CTNNA1: variants seen among roughly 807,000 people sequenced by gnomAD.
CTNNA1 encodes the protein catenin alpha 1, also known as catenin alpha-1.
Under a neutral mutation model 98.4 loss-of-function variants are expected in CTNNA1, and 37 were observed. The ratio of observed to expected loss-of-function variants is 0.38; its 90% CI spans 0.29 to 0.49. The LOEUF is 0.49. Among genes scored for constraint, CTNNA1 ranks in the 20% least tolerant of loss-of-function variants. The probability of loss-of-function intolerance (pLI) is 0.95; values close to 1 mark genes in which losing one functional copy is unlikely to be tolerated. For synonymous variants in CTNNA1, 404 were observed against 413.2 expected (o/e 0.98, Z 0.27); for missense variants, 761 against 1,147.2 (o/e 0.66, Z 4.86).
chr5:138,866,271 CTCAT>C (rs748067774), intron 7 of CTNNA1, among the ~76,000 whole-genome samples: 1 of 126,212 alleles, frequency 7.9e-6, no homozygotes, highest in Admixed American at 8.4e-5. Context: ...TCTGTTGTAA[CTCAT>C]TTATTTATTT....
chr5:138,926,723 A>AG (rs1226072669), intron 13 of CTNNA1, among the ~76,000 whole-genome samples: 2 of 150,748 alleles, frequency 1.3e-5, no homozygotes, highest in East Asian at 1.9e-4. Context: ...TCCCATTTTT[A>AG]GGGGGAAAAA....
rs1763589260 is a variant in CTNNA1, at chr5:138,924,494, T to G, written c.1547-16T>G. ...GAAAGCCTCCTTCCTCATTCAACTT[T>G]TTGCTTGTTCTCCAGAGAATCACAT... On this transcript the variant is annotated splice_polypyrimidine_tract_variant and intron_variant, in intron 11 of 17. Coordinates refer to ENST00000302763, the MANE Select transcript of CTNNA1 (RefSeq NM_001903.5). 2.5e-6 allele frequency: 4 copies of G among 1,613,778 alleles called. No homozygotes were observed. The highest frequency in any genetic ancestry group is 2.5e-6 in the Non-Finnish European group (3 of 1,179,856).
chr5:138,832,926 T>A (rs946564551), intron 7 of CTNNA1, among the ~76,000 whole-genome samples: 3 of 152,230 alleles, frequency 2.0e-5, no homozygotes, highest in African/African-American at 4.8e-5. Context: ...GGCTCTATGC[T>A]TTATACAGCT....
At chr5:138,792,967 T>A (rs1392177862) in intron 3 of CTNNA1, among the ~76,000 whole-genome samples, 1 of 152,184 alleles carries the variant, frequency 6.6e-6, no homozygotes, top group Non-Finnish European at 1.5e-5. Flanking sequence ...TGTCTTAGAA[T>A]TTTCATCCTG....
chr5:138,933,514 T>C (rs1765873550), intron 17 of CTNNA1, among the ~76,000 whole-genome samples: 1 of 152,352 alleles, frequency 6.6e-6, no homozygotes, highest in East Asian at 1.9e-4. Flanking sequence ...TTACAGTGAC[T>C]TCCAGTTGGT....
At chr5:138,817,533 G>T (rs1759557778) in intron 5 of CTNNA1, among the ~76,000 whole-genome samples, 1 of 152,010 alleles carries the variant, frequency 6.6e-6, no homozygotes, top group Non-Finnish European at 1.5e-5. Flanking sequence ...TCTCCTTCTG[G>T]AATTCCCATG....
chr5:138,766,192 A>G (rs1383955157), intron 1 of CTNNA1, among the ~76,000 whole-genome samples: 2 of 152,144 alleles, frequency 1.3e-5, no homozygotes, highest in African/African-American at 2.4e-5. Flanking sequence ...GGAACATGGT[A>G]TGTTGTGTCT....
intron 7 of CTNNA1, among the ~76,000 whole-genome samples, chr5:138,855,239 A>G (rs1763628948): frequency 6.6e-6 from 1 of 152,198 alleles, no homozygotes; most frequent in South Asian, 2.1e-4. Flanking sequence ...GGGATTCACC[A>G]TATTGGCCAG....
rs145750711 is a variant in CTNNA1, at chr5:138,887,139, A to T, written c.1144-351A>T. On this transcript the variant is annotated intron_variant, in intron 8 of 17. Coordinates refer to ENST00000302763, the MANE Select transcript of CTNNA1 (RefSeq NM_001903.5). The stretch of plus-strand genomic sequence containing the variant: ...AGCCAATTAGGCTAATTATATATAT[A>T]TTCCAAGGCTATGTGCCAGTTCAAC... 2.8e-4 allele frequency among the ~76,000 whole-genome samples: 43 copies of T among 152,216 alleles called. No individual in the cohort carries two copies. In the East Asian group the frequency reaches 6.4e-3, roughly 23 times the overall value.
Position 138,873,542 on chromosome 5 carries a change from T to C in CTNNA1, c.1063-12670T>C. 6.2e-7 allele frequency: 1 copy of C among 1,613,952 alleles called. No homozygotes were observed. The highest frequency in any genetic ancestry group is 1.1e-5 in the South Asian group (1 of 91,072). On this transcript the variant is annotated intron_variant, in intron 7 of 17. Coordinates refer to ENST00000302763, the MANE Select transcript of CTNNA1 (RefSeq NM_001903.5). This position sits in a 1 kb window ranked among gnomAD's most constrained non-coding sequence, Gnocchi z 6.1. ...CTCTCCTTGGGTGTGGTCAGGACTG[T>C]GGCATAGGATGGAGTGTTCCCACCG... is the stretch of plus-strand genomic sequence containing the variant.
chr5:138,783,189 G>C lies in CTNNA1; in HGVS notation c.118G>C (p.Val40Leu). 1 of 1,607,570 alleles carries C rather than the reference G, an allele frequency of 6.2e-7. No individual in the cohort carries two copies. The highest frequency in any genetic ancestry group is 8.5e-7 in the Non-Finnish European group (1 of 1,176,782). ...ATGAAACTTTTAGGTTACAACCCTT[G>C]TAAACACCAATAGTAAAGGGCCCTC... is the stretch of plus-strand genomic sequence containing the variant. ...EPLVTQVTTL[V>L]NTNSKGPSNK... Residue 40 changes from valine to leucine, a missense_variant, in exon 3 of 18, where the codon GTA (valine) becomes CTA (leucine). Around this residue, in one of 6 missense-constraint regions of CTNNA1, gnomAD observed 328 missense variants for 354.3 expected, o/e 0.93. Transcript: ENST00000302763.
At chr5:138,840,450 G>A (rs1210871736) in intron 7 of CTNNA1, among the ~76,000 whole-genome samples, 1 of 152,200 alleles carries the variant, frequency 6.6e-6, no homozygotes, top group Non-Finnish European at 1.5e-5. Flanking sequence ...TAAAATGTAT[G>A]TGCAAATGTG....
At chr5:138,771,926 TA>T (rs112812984) in intron 1 of CTNNA1, among the ~76,000 whole-genome samples, 22 of 150,424 alleles carry the variant, frequency 1.5e-4, no homozygotes, top group South Asian at 8.4e-4. Context: ...ACTTTGCTGT[TA>T]AAAAAAAAAT....
chr5:138,770,962 A>G (rs543231651), intron 1 of CTNNA1, among the ~76,000 whole-genome samples: 1 of 152,078 alleles, frequency 6.6e-6, no homozygotes, highest in East Asian at 1.9e-4. Context: ...AAAAAAAAAA[A>G]AAACACAAAA....
At chr5:138,798,142 C>T (rs1053325010) in intron 3 of CTNNA1, among the ~76,000 whole-genome samples, 3 of 152,056 alleles carry the variant, frequency 2.0e-5, no homozygotes, top group Non-Finnish European at 4.4e-5. Context: ...ATGACATGTT[C>T]TAAATAGGTT....
intron 8 of CTNNA1, among the ~76,000 whole-genome samples, chr5:138,886,701 A>G (rs1476365388): frequency 1.3e-5 from 2 of 152,154 alleles, no homozygotes; most frequent in African/African-American, 4.8e-5. Flanking sequence ...CCATGGTGAA[A>G]TGTTTCCAGT....
chr5:138,756,948 T>G (rs1038967131), intron 1 of CTNNA1, among the ~76,000 whole-genome samples: 8 of 151,904 alleles, frequency 5.3e-5, no homozygotes, highest in Non-Finnish European at 1.2e-4. Flanking sequence ...CCTATAATCC[T>G]GTTTTTTTGG....
At chr5:138,759,509 C>G (rs1440451322) in intron 1 of CTNNA1, among the ~76,000 whole-genome samples, 2 of 152,166 alleles carry the variant, frequency 1.3e-5, no homozygotes, top group African/African-American at 4.8e-5. Context: ...GGTGGGGGCC[C>G]TTGGCCCATT....
intron 11 of CTNNA1, among the ~76,000 whole-genome samples, chr5:138,922,849 C>G (rs939838790): frequency 6.6e-6 from 1 of 151,096 alleles, no homozygotes; most frequent in Admixed American, 6.6e-5. Flanking sequence ...GGGAATATTA[C>G]TCTAAAAAAT....
Sources: gnomAD v4.1 joint callset for allele counts (sites outside exome capture counted in the v4.1 genomes callset) on GRCh38, gnomAD v4.1.1 for gene constraint, gnomAD v4.1.1 regional missense constraint, Gnocchi (gnomAD v3.1) non-coding constraint, MANE v1.5 for transcripts, NCBI Gene and HGNC (gene_info 2026-07-23, HGNC 2026-07-21) for gene names.